C5: variants seen among roughly 807,000 people sequenced by gnomAD.
C5 encodes complement C5, also known as C3 and PZP-like alpha-2-macroglobulin domain-containing protein 4.
In C5, 140 loss-of-function variants were observed where a neutral mutation model predicts 218.8. The observed-to-expected ratio is 0.64, with a 90% CI of 0.56 to 0.74. The LOEUF (loss-of-function observed/expected upper bound fraction) is 0.74. Among genes scored for constraint, C5 ranks in the 30% least tolerant of loss-of-function variants. The probability of loss-of-function intolerance (pLI) is 0.00; values close to 1 mark genes in which losing one functional copy is unlikely to be tolerated. For missense variants in C5, 1,700 were observed against 1,969.6 expected, an observed-to-expected ratio of 0.86 and a Z score of 2.59; for synonymous variants, 614 against 682.3, an observed-to-expected ratio of 0.90 and a Z score of 1.56.
At chr9:121,036,991 T>A (rs1362103561) in intron 4 of C5, among the ~76,000 whole-genome samples, 1 of 152,146 alleles carries the variant, frequency 6.6e-6, no homozygotes, top group African/African-American at 2.4e-5. Flanking sequence ...TTATTTTATT[T>A]CCTCACAAAA....
At position 120,958,807 on chromosome 9, in the gene C5, T is replaced by C. The variant is rs534165947; in HGVS notation, c.4679-1439A>G. On this transcript the variant is annotated intron_variant, in intron 38 of 40. Coordinates refer to ENST00000223642, the MANE Select transcript of C5 (RefSeq NM_001735.3). Reference sequence around the variant, plus strand: ...TAAATAGTGATAATACTCTGTTACATTTTTTTTTTGACAGGGTCTCACTCT... The same window carrying C: ...TAAATAGTGATAATACTCTGTTACACTTTTTTTTTGACAGGGTCTCACTCT... 3.0e-3 allele frequency among the ~76,000 whole-genome samples: 455 copies of C among 149,786 alleles called. 1 individual carries two copies. The highest frequency in any genetic ancestry group is 9.6e-3 in the African/African-American group (394 of 40,950).
intron 30 of C5, among the ~76,000 whole-genome samples, chr9:120,974,399 G>T (rs1037381443): frequency 6.6e-6 from 1 of 152,176 alleles, no homozygotes; most frequent in African/African-American, 2.4e-5. Context: ...TCTATGTCTG[G>T]AATGTTCTTC....
chr9:120,990,294 CATTCTATCATTCGGTAAT>C (rs2047067693), intron 23 of C5, among the ~76,000 whole-genome samples: 1 of 152,202 alleles, frequency 6.6e-6, no homozygotes, highest in Admixed American at 6.5e-5. Context: ...GTAGTCAGGA[CATTCTATCATTCGGTAAT>C]ATGTTATTGA....
chr9:121,042,378 C>T (rs557163203), intron 3 of C5, among the ~76,000 whole-genome samples: 5 of 152,290 alleles, frequency 3.3e-5, no homozygotes, highest in Admixed American at 6.5e-5. Flanking sequence ...CTAACAGTAA[C>T]TTTCTTAGGT....
chr9:120,962,610 A>C, intron 36 of C5, 61 bp downstream of exon 36: 1 of 1,291,206 alleles, frequency 7.7e-7, no homozygotes, highest in South Asian at 1.2e-5. Flanking sequence ...GTGGATTTCT[A>C]AATGTTCTGG....
the C5 span, among the ~76,000 whole-genome samples, chr9:121,064,581 A>C: frequency 6.6e-6 from 1 of 152,204 alleles, no homozygotes; most frequent in Non-Finnish European, 1.5e-5. Flanking sequence ...ATTCTCTCAT[A>C]AATTCCTCAA....
At chr9:121,002,316 G>GTGTGTGTGTGTGTGTA (rs572345213) in intron 20 of C5, among the ~76,000 whole-genome samples, 6 of 87,398 alleles carry the variant, frequency 6.9e-5, no homozygotes, top group South Asian at 4.2e-4. Context: ...ATATGTGTGT[G>GTGTGTGTGTGTGTGTA]TATATATATA....
In C5 at chr9:121,021,690, T is replaced by C; in HGVS notation, c.1121A>G (p.Gln374Arg). The change falls in exon 11 of 41, where the codon CAG (glutamine) becomes CGG (arginine). Residue 374 changes from glutamine to arginine, a missense_variant. Gln to Arg is a conservative substitution (Grantham distance 43). Coordinates refer to ENST00000223642, the MANE Select transcript of C5 (RefSeq NM_001735.3). ...CAACTGGTCAAGCGAATCTTTAACC[T>C]GCACCTGTTTGTCAAAACAATCCAA... ...KPGIPYPIKV[Q>R]VKDSLDQLVG... The C allele has an allele frequency of 3.7e-6, 6 of 1,612,554 alleles. No homozygotes were observed. The highest frequency in any genetic ancestry group is 5.1e-6 in the Non-Finnish European group (6 of 1,178,522).
chr9:121,009,962 C>T (rs1466479883), intron 17 of C5, among the ~76,000 whole-genome samples: 1 of 152,230 alleles, frequency 6.6e-6, no homozygotes, highest in Non-Finnish European at 1.5e-5. Flanking sequence ...AGCATTTGGA[C>T]TGGCCCTAGC....
chr9:120,960,180 C>T, intron 38 of C5, 68 bp downstream of exon 38: 1 of 1,013,042 alleles, frequency 9.9e-7, no homozygotes, highest in South Asian at 1.3e-5. Flanking sequence ...AGTTTTTGAT[C>T]TTTCTAACTG....
chr9:120,985,666 A>G (rs1256963494), intron 25 of C5, among the ~76,000 whole-genome samples: 2 of 152,230 alleles, frequency 1.3e-5, no homozygotes, highest in African/African-American at 2.4e-5. Flanking sequence ...ATCTAAAGTA[A>G]CTAAAAAGTA....
At chr9:121,064,640 AT>A in the C5 span, among the ~76,000 whole-genome samples, 1 of 152,370 alleles carries the variant, frequency 6.6e-6, no homozygotes, top group South Asian at 2.1e-4. Context: ...AATTTTTAAA[AT>A]TTAAATTCAA....
chr9:121,026,943 G>A (rs982215146), intron 8 of C5, among the ~76,000 whole-genome samples: 1 of 152,146 alleles, frequency 6.6e-6, no homozygotes, highest in Non-Finnish European at 1.5e-5. Flanking sequence ...TTAATACAAA[G>A]GGGAGGGAGG....
In C5 at chr9:121,027,362, G is replaced by C. The variant is rs2047433405; in HGVS notation, c.759-88C>G. ...ATGTAACAATTTGAAATTACGTAAA[G>C]CACTTGAGGCACTTTAAAGTGTCTT... On this transcript the variant is annotated intron_variant, in intron 7 of 40. Coordinates refer to ENST00000223642, the MANE Select transcript of C5 (RefSeq NM_001735.3). 3 of 730,688 alleles carry C rather than the reference G, an allele frequency of 4.1e-6. No homozygotes were observed. The Admixed American group carries it at 6.1e-5, about 15-fold the overall frequency. The allele number at this position is 730,688 out of a possible 1,614,324, so 45.3% of individuals were successfully genotyped here. A position where few individuals can be genotyped will look rare whatever the true frequency, so the allele number is the denominator to read the frequency against.
At chr9:121,022,893 A>AT (rs1483710296) in intron 10 of C5, among the ~76,000 whole-genome samples, 1 of 151,996 alleles carries the variant, frequency 6.6e-6, no homozygotes, top group Non-Finnish European at 1.5e-5. Context: ...AGAAGCAAAA[A>AT]TGAAAAGAAC....
chr9:120,955,509 C>CAAGCAG (rs2046777831), intron 39 of C5, among the ~76,000 whole-genome samples: 1 of 152,130 alleles, frequency 6.6e-6, no homozygotes, highest in Admixed American at 6.5e-5. Context: ...TGGCTTATTA[C>CAAGCAG]TGCTTGTAAT....
At chr9:120,960,845 C>T (rs2046821759) in intron 37 of C5, among the ~76,000 whole-genome samples, 1 of 152,062 alleles carries the variant, frequency 6.6e-6, no homozygotes, top group African/African-American at 2.4e-5. Flanking sequence ...GTATGTGGTT[C>T]CCTTGATGAA....
intron 17 of C5, among the ~76,000 whole-genome samples, chr9:121,010,635 T>A (rs2047253997): frequency 6.6e-6 from 1 of 151,580 alleles, no homozygotes; most frequent in African/African-American, 2.4e-5. Flanking sequence ...AGAAAAAAAA[T>A]CCTAAAATTC....
Position 121,023,717 on chromosome 9 carries a change from G to C in C5, c.1001-198C>G, listed in dbSNP as rs755079973. ...GCAGAGAAGAGTTTAGACCTCAGGA[G>C]TTTCCAAGGCCTTATGCACAAGCTC... On this transcript the variant is annotated intron_variant, in intron 9 of 40. Transcript: ENST00000223642. Among the ~76,000 whole-genome samples the C allele has an allele frequency of 3.0e-4, 46 of 152,340 alleles. 1 individual carries two copies. The highest frequency in any genetic ancestry group is 1.0e-3 in the African/African-American group (42 of 41,588).
Sources: gnomAD v4.1 joint callset for allele counts (sites outside exome capture counted in the v4.1 genomes callset) on GRCh38, gnomAD v4.1.1 for gene constraint, MANE v1.5 for transcripts, NCBI Gene and HGNC (gene_info 2026-07-23, HGNC 2026-07-21) for gene names.